Variants in ASAP1 observed in about 807,000 individuals in gnomAD.
ASAP1 encodes arf-GAP with SH3 domain, ANK repeat and PH domain-containing protein 1.
A neutral mutation model predicts 145.2 loss-of-function variants in ASAP1; 43 were observed. The observed-to-expected ratio is 0.30, with a 90% CI of 0.23 to 0.38. The LOEUF (loss-of-function observed/expected upper bound fraction) is 0.38, where lower values mean the gene tolerates loss of function less well. ASAP1 is among the 10% of genes least tolerant of loss of function. The pLI, the probability that ASAP1 is intolerant of heterozygous loss-of-function variation, is 1.00. For synonymous variants in ASAP1, 546 were observed against 515.5 expected, an observed-to-expected ratio of 1.06 and a Z score of -0.80; for missense variants, 1,018 against 1,355.3, an observed-to-expected ratio of 0.75 and a Z score of 3.91.
chr8:130,104,672 A>C (rs1165104625), intron 24 of ASAP1, among the ~76,000 whole-genome samples: 6 of 152,198 alleles, frequency 3.9e-5, no homozygotes, highest in African/African-American at 1.4e-4. Context: ...AATTAAATTT[A>C]TGTTCAAGTG....
chr8:130,163,410 T>C (rs117857698), intron 11 of ASAP1, among the ~76,000 whole-genome samples: 93 of 152,360 alleles, frequency 6.1e-4, no homozygotes, highest in Non-Finnish European at 1.2e-3. Context: ...GTGAATGTGC[T>C]TGCTTTACAT....
At chr8:130,277,540 CT>C (rs540894073) in intron 3 of ASAP1, among the ~76,000 whole-genome samples, 32 of 152,232 alleles carry the variant, frequency 2.1e-4, no homozygotes, top group Admixed American at 2.0e-3. Context: ...ACATTGAAAA[CT>C]CCTAAAGACA....
In ASAP1 at chr8:130,152,717, A is replaced by C. The variant is rs1490170401; in HGVS notation, c.1080+19T>G. Reference sequence around the variant, plus strand: ...GCTTTCTGGCCCATGAGGCAGGGTAAATTAAGAAACATACTTACTGTGGCA... The same window carrying C: ...GCTTTCTGGCCCATGAGGCAGGGTACATTAAGAAACATACTTACTGTGGCA... On this transcript the variant is annotated intron_variant, in intron 13 of 29. Transcript: ENST00000518721. 1 of 1,592,614 alleles carries C rather than the reference A, an allele frequency of 6.3e-7. No homozygotes were observed. The highest frequency in any genetic ancestry group is 8.6e-7 in the Non-Finnish European group (1 of 1,164,044).
At chr8:130,197,230 C>A (rs1815558540) in intron 5 of ASAP1, among the ~76,000 whole-genome samples, 1 of 152,232 alleles carries the variant, frequency 6.6e-6, no homozygotes, top group South Asian at 2.1e-4. Context: ...GAGTTCGAGA[C>A]CCGCCTAGGC....
At chr8:130,237,257 G>A (rs181264419) in intron 3 of ASAP1, among the ~76,000 whole-genome samples, 86 of 152,176 alleles carry the variant, frequency 5.7e-4, no homozygotes, top group African/African-American at 2.0e-3. Flanking sequence ...GCTAAGCTAT[G>A]CACAAGAAAG....
intron 3 of ASAP1, among the ~76,000 whole-genome samples, chr8:130,269,614 G>C (rs1820469448): frequency 6.6e-6 from 1 of 152,116 alleles, no homozygotes; most frequent in African/African-American, 2.4e-5. Context: ...GCAAACCTAG[G>C]TTTTCTAGGT....
At chr8:130,086,891 C>T (rs1006441567) in intron 25 of ASAP1, among the ~76,000 whole-genome samples, 1 of 152,160 alleles carries the variant, frequency 6.6e-6, no homozygotes, top group African/African-American at 2.4e-5. Context: ...GAAGTGTGGC[C>T]TTCTGTGAAG....
At chr8:130,171,228 C>T (rs1454726620) in intron 9 of ASAP1, among the ~76,000 whole-genome samples, 1 of 152,182 alleles carries the variant, frequency 6.6e-6, no homozygotes, top group Non-Finnish European at 1.5e-5. Flanking sequence ...CCACTTCAGC[C>T]TTTGCATATG....
intron 4 of ASAP1, among the ~76,000 whole-genome samples, chr8:130,232,329 T>C (rs1408433165): frequency 2.0e-5 from 3 of 152,110 alleles, no homozygotes; most frequent in African/African-American, 7.2e-5. Flanking sequence ...GTCATTTTAA[T>C]CATATATTAG....
intron 29 of ASAP1, 45 bp downstream of exon 29, chr8:130,057,909 T>C (rs1161530601): frequency 6.2e-7 from 1 of 1,604,362 alleles, no homozygotes; most frequent in Non-Finnish European, 8.5e-7. Context: ...TGCCCAGGCA[T>C]GCTGTATGAA....
intron 1 of ASAP1, among the ~76,000 whole-genome samples, chr8:130,427,963 T>C (rs1829985606): frequency 6.6e-6 from 1 of 152,142 alleles, no homozygotes; most frequent in Non-Finnish European, 1.5e-5. Flanking sequence ...TGTGCCCCTG[T>C]ATCTTAAGCC....
chr8:130,173,296 T>C (rs753019560), intron 9 of ASAP1, among the ~76,000 whole-genome samples: 1 of 152,212 alleles, frequency 6.6e-6, no homozygotes, highest in Non-Finnish European at 1.5e-5. Flanking sequence ...GGTGACATGC[T>C]GTCATCTGCA....
rs528315327 is a variant in ASAP1 at position 130,151,992 on chromosome 8, T to C, written c.1080+744A>G. On this transcript the variant is annotated intron_variant, in intron 13 of 29. Coordinates refer to ENST00000518721, the MANE Select transcript of ASAP1 (RefSeq NM_018482.4). The stretch of plus-strand genomic sequence containing the variant: ...CACATGGGTTGTTGGGAGGATTAAC[T>C]GAAATAAAGTTTATGAAGGTAAGTG... 9.2e-5 allele frequency among the ~76,000 whole-genome samples: 14 copies of C among 152,256 alleles called. No individual in the cohort carries two copies. The South Asian group carries it at 2.9e-3, about 32-fold the overall frequency.
chr8:130,166,436 G>A (rs558031042), intron 11 of ASAP1, among the ~76,000 whole-genome samples: 6 of 152,138 alleles, frequency 3.9e-5, no homozygotes, highest in African/African-American at 9.6e-5. Context: ...AAGGTCCTCC[G>A]TAGTCAGGTC....
Position 130,300,125 on chromosome 8 carries a change from C to CAA in ASAP1, c.186+57891_186+57892insTT, listed in dbSNP as rs1162592344. On this transcript the variant is annotated intron_variant, in intron 3 of 29. Transcript: ENST00000518721. ...AGTAAAAGAAAAATACACACACACA[C>CAA]ACACACACACACACACACACACACA... Among the ~76,000 whole-genome samples the CAA allele has an allele frequency of 2.4e-3, 268 of 110,930 alleles. 2 individuals are homozygous for CAA. The highest frequency in any genetic ancestry group is 9.9e-3 in the African/African-American group (260 of 26,206). The allele number at this position is 110,930 out of a possible 152,430, so 72.8% of individuals were successfully genotyped here.
chr8:130,374,365 T>C (rs927188341), intron 2 of ASAP1, among the ~76,000 whole-genome samples: 2 of 152,216 alleles, frequency 1.3e-5, no homozygotes, highest in African/African-American at 4.8e-5. Context: ...TCTCTGATGA[T>C]GTTAATTAAA....
intron 3 of ASAP1, among the ~76,000 whole-genome samples, chr8:130,255,502 G>A (rs927185589): frequency 6.6e-6 from 1 of 152,056 alleles, no homozygotes; most frequent in East Asian, 1.9e-4. Flanking sequence ...CAGTTGCATA[G>A]CATTGTATCA....
At chr8:130,060,516 C>T (rs1044867928) in intron 28 of ASAP1, 63 bp downstream of exon 28, 3 of 1,523,804 alleles carry the variant, frequency 2.0e-6, no homozygotes, top group Admixed American at 2.2e-5. Flanking sequence ...GAGCACCTGC[C>T]CTCCCACCAA....
chr8:130,267,569 C>T (rs970199638), intron 3 of ASAP1, among the ~76,000 whole-genome samples: 1 of 152,208 alleles, frequency 6.6e-6, no homozygotes, highest in African/African-American at 2.4e-5. Flanking sequence ...ATCTCTACAG[C>T]TAGGCTCTTA....
Sources: allele counts gnomAD v4.1 joint callset (sites outside exome capture counted in the v4.1 genomes callset), GRCh38; gene constraint gnomAD v4.1.1; transcripts MANE v1.5; gene names NCBI Gene and HGNC (gene_info 2026-07-23, HGNC 2026-07-21).